PDE3A: variants seen among roughly 807,000 people sequenced by gnomAD.
The protein encoded by PDE3A is cGMP-inhibited 3',5'-cyclic phosphodiesterase 3A.
Under a neutral mutation model 98.3 loss-of-function variants are expected in PDE3A, and 43 were observed. That is an observed-to-expected ratio of 0.44 (90% CI 0.34 to 0.56). The LOEUF is 0.56. Ranked by LOEUF, PDE3A falls within the 20% of genes least tolerant of loss-of-function variation. PDE3A has a pLI of 0.01. For synonymous variants in PDE3A, 663 were observed against 567.9 expected (o/e 1.17, Z -2.38); for missense variants, 1,427 against 1,440.7 (o/e 0.99, Z 0.15).
intron 1 of PDE3A, among the ~76,000 whole-genome samples, chr12:20,520,953 A>G (rs1946413172): frequency 6.6e-6 from 1 of 152,210 alleles, no homozygotes; most frequent in Non-Finnish European, 1.5e-5. Flanking sequence ...TGGCTCATGA[A>G]ACATCCTCTT....
chr12:20,659,969 T>C (rs1471395531), intron 15 of PDE3A, among the ~76,000 whole-genome samples: 6 of 152,178 alleles, frequency 3.9e-5, no homozygotes, highest in East Asian at 1.9e-4. Context: ...GAAAAGTCCA[T>C]ATACCAGGTG....
chr12:20,516,144 T>C (rs186684776), intron 1 of PDE3A, among the ~76,000 whole-genome samples: 1 of 152,182 alleles, frequency 6.6e-6, no homozygotes, highest in African/African-American at 2.4e-5. Context: ...GAAGTGATAA[T>C]TATTACGGAA....
Position 20,552,124 on chromosome 12 carries a change from C to T in PDE3A, c.961-4536C>T. 6.2e-7 allele frequency: 1 copy of T among 1,613,474 alleles called. No homozygotes were observed. Among genetic ancestry groups the T allele is most frequent in the Non-Finnish European group, 8.5e-7 (1 of 1,179,890 alleles). ...GAGGACCGCGGAACAGTCTTGTGAT[C>T]AGAAACTCACCAACACCAACAGGGC... On this transcript the variant is annotated intron_variant, in intron 1 of 15. Transcript: ENST00000359062. The surrounding 1 kb of genome is among the most constrained non-coding windows in gnomAD (Gnocchi z 5.1).
intron 6 of PDE3A, among the ~76,000 whole-genome samples, chr12:20,632,752 T>TGCAC (rs2121512253): frequency 6.6e-6 from 1 of 152,150 alleles, no homozygotes; most frequent in African/African-American, 2.4e-5. Flanking sequence ...GTCATCAAAA[T>TGCAC]GCACCCCTCT....
intron 2 of PDE3A, among the ~76,000 whole-genome samples, chr12:20,608,206 G>GCAAA (rs1256954238): frequency 6.6e-6 from 1 of 152,166 alleles, no homozygotes; most frequent in Non-Finnish European, 1.5e-5. Flanking sequence ...CAGGTTTGCT[G>GCAAA]CAAACAAATC....
At chr12:20,449,949 C>A in intron 1 of PDE3A, 2 of 770,114 alleles carry the variant, frequency 2.6e-6, no homozygotes. Flanking sequence ...TTCTGAAGGC[C>A]CCCTTATATG....
intron 15 of PDE3A, among the ~76,000 whole-genome samples, chr12:20,659,260 A>G (rs770357303): frequency 9.2e-5 from 14 of 152,146 alleles, no homozygotes; most frequent in Non-Finnish European, 1.6e-4. Flanking sequence ...AATTAATTCA[A>G]GATAATTTAA....
At chr12:20,430,823 A>G (rs925199104) in intron 1 of PDE3A, among the ~76,000 whole-genome samples, 4 of 152,108 alleles carry the variant, frequency 2.6e-5, no homozygotes, top group African/African-American at 9.7e-5. Flanking sequence ...TGTTGTAGTG[A>G]AGGTAATATT....
intron 15 of PDE3A, among the ~76,000 whole-genome samples, chr12:20,675,865 C>T (rs1276103224): frequency 1.3e-5 from 2 of 152,114 alleles, no homozygotes; most frequent in African/African-American, 4.8e-5. Flanking sequence ...TACTTCTAGT[C>T]TGTATCTGTG....
At chr12:20,499,260 T>C (rs916750729) in intron 1 of PDE3A, among the ~76,000 whole-genome samples, 3 of 152,186 alleles carry the variant, frequency 2.0e-5, no homozygotes, top group Admixed American at 1.3e-4. Context: ...TAAGGTGCAA[T>C]AGTGTCTCAT....
intron 1 of PDE3A, among the ~76,000 whole-genome samples, chr12:20,385,556 T>C (rs1943740622): frequency 6.6e-6 from 1 of 151,802 alleles, no homozygotes; most frequent in African/African-American, 2.4e-5. Flanking sequence ...CCAACAATGA[T>C]AGACTGGATT....
At chr12:20,575,744 C>T (rs372655322) in intron 2 of PDE3A, among the ~76,000 whole-genome samples, 1 of 151,824 alleles carries the variant, frequency 6.6e-6, no homozygotes, top group African/African-American at 2.4e-5. Context: ...CACTGAGAAG[C>T]TGTTCTTTCA....
At chr12:20,451,359 C>T (rs58302874) in intron 1 of PDE3A, among the ~76,000 whole-genome samples, 110 of 152,224 alleles carry the variant, frequency 7.2e-4, no homozygotes, top group African/African-American at 2.5e-3. Context: ...CTGCAACCTC[C>T]GCCTCCTGGG....
At chr12:20,376,179 C>G (rs1292031169) in intron 1 of PDE3A, among the ~76,000 whole-genome samples, 1 of 151,804 alleles carries the variant, frequency 6.6e-6, no homozygotes, top group East Asian at 1.9e-4. Flanking sequence ...TAGCTGGTTG[C>G]ACTGATATTT....
At chr12:20,464,854 C>A (rs990565401) in intron 1 of PDE3A, among the ~76,000 whole-genome samples, 1 of 152,010 alleles carries the variant, frequency 6.6e-6, no homozygotes, top group African/African-American at 2.4e-5. Context: ...ATTTACCATC[C>A]AATCATATTT....
intron 1 of PDE3A, among the ~76,000 whole-genome samples, chr12:20,478,245 A>G (rs1945563043): frequency 6.6e-6 from 1 of 152,194 alleles, no homozygotes; most frequent in Non-Finnish European, 1.5e-5. Context: ...TGAAGGCAAC[A>G]TACCAGATTG....
At chr12:20,657,273 T>G (rs1413632787) in intron 15 of PDE3A, among the ~76,000 whole-genome samples, 1 of 152,154 alleles carries the variant, frequency 6.6e-6, no homozygotes, top group African/African-American at 2.4e-5. Flanking sequence ...GAAATTTAAA[T>G]GACATTGCAA....
chr12:20,409,426 T>C (rs1944293910), intron 1 of PDE3A, among the ~76,000 whole-genome samples: 2 of 152,164 alleles, frequency 1.3e-5, no homozygotes, highest in Admixed American at 1.3e-4. Flanking sequence ...ACTAAGTTTC[T>C]TAAGGACAAA....
chr12:20,452,966 A>G (rs1591948404), intron 1 of PDE3A, among the ~76,000 whole-genome samples: 1 of 152,270 alleles, frequency 6.6e-6, no homozygotes, highest in East Asian at 1.9e-4. Flanking sequence ...TACTTCCTCA[A>G]TGCTGTCTTG....
Sources: gnomAD v4.1 joint callset for allele counts (sites outside exome capture counted in the v4.1 genomes callset) on GRCh38, gnomAD v4.1.1 for gene constraint, Gnocchi (gnomAD v3.1) non-coding constraint, MANE v1.5 for transcripts, NCBI Gene and HGNC (gene_info 2026-07-23, HGNC 2026-07-21) for gene names.